Variants in GNB1 observed in about 807,000 individuals in gnomAD.
GNB1 encodes guanine nucleotide-binding protein G(I)/G(S)/G(T) subunit beta-1.
In GNB1, 2 loss-of-function variants were observed where a neutral mutation model predicts 42.9. That is an observed-to-expected ratio of 0.05 (90% CI 0.02 to 0.15). GNB1 has a LOEUF of 0.15. GNB1 is among the 10% of genes least tolerant of loss of function. The probability of loss-of-function intolerance (pLI) is 1.00; values close to 1 mark genes in which losing one functional copy is unlikely to be tolerated. For missense variants in GNB1, 193 were observed against 462.2 expected (o/e 0.42, Z 5.34); for synonymous variants, 183 against 174.7 (o/e 1.05, Z -0.38).
intron 6 of GNB1, among the ~76,000 whole-genome samples, chr1:1,805,178 G>A (rs1646680269): frequency 6.7e-6 from 1 of 149,760 alleles, no homozygotes; most frequent in Admixed American, 6.7e-5. Context: ...AAACAAACAG[G>A]CCGGGTGCGG....
chr1:1,831,035 C>G (rs551139554), intron 2 of GNB1, among the ~76,000 whole-genome samples: 1 of 152,090 alleles, frequency 6.6e-6, no homozygotes, highest in Non-Finnish European at 1.5e-5. Flanking sequence ...TGTGGTGATG[C>G]GTGCCTGTAA....
At chr1:1,807,060 T>C (rs183829793) in intron 5 of GNB1, among the ~76,000 whole-genome samples, 25 of 152,164 alleles carry the variant, frequency 1.6e-4, no homozygotes, top group African/African-American at 6.0e-4. Flanking sequence ...AGACCACAGT[T>C]GAGAGTGGAG....
rs115938369 is a variant in GNB1, at chr1:1,853,906, T to C, written c.-95-14668A>G. On this transcript the variant is annotated intron_variant, in intron 1 of 11. Coordinates refer to ENST00000378609, the MANE Select transcript of GNB1 (RefSeq NM_002074.5). ...GTCATATTATATAACAACATGAAAA[T>C]AGGATAGAAGTGTCAATTGTTGATA... 7.6e-3 allele frequency among the ~76,000 whole-genome samples: 1,149 copies of C among 152,014 alleles called. 14 individuals are homozygous for C. The highest frequency in any genetic ancestry group is 0.026 in the African/African-American group (1,061 of 41,434).
At chr1:1,845,370 G>A (rs1421533342) in intron 1 of GNB1, among the ~76,000 whole-genome samples, 1 of 152,082 alleles carries the variant, frequency 6.6e-6, no homozygotes, top group East Asian at 1.9e-4. Flanking sequence ...TCAGGAGATT[G>A]AGACCATCCT....
chr1:1,807,179 C>T (rs924866092), intron 5 of GNB1, among the ~76,000 whole-genome samples: 8 of 151,888 alleles, frequency 5.3e-5, no homozygotes, highest in African/African-American at 1.9e-4. Context: ...GGTTTCATTA[C>T]AAATCAAATT....
At chr1:1,854,247 C>G (rs1171378962) in intron 1 of GNB1, among the ~76,000 whole-genome samples, 1 of 152,182 alleles carries the variant, frequency 6.6e-6, no homozygotes, top group Non-Finnish European at 1.5e-5. Context: ...GAAGGCCACT[C>G]TGGTGTGGAG....
chr1:1,847,128 C>T (rs757403473), intron 1 of GNB1, among the ~76,000 whole-genome samples: 6 of 152,150 alleles, frequency 3.9e-5, no homozygotes, highest in African/African-American at 7.2e-5. Flanking sequence ...AAGTGAGCCC[C>T]AGCACTGAAG....
intron 2 of GNB1, among the ~76,000 whole-genome samples, chr1:1,830,658 TTA>T (rs1183546136): frequency 6.6e-6 from 1 of 152,126 alleles, no homozygotes; most frequent in Non-Finnish European, 1.5e-5. Context: ...TCCTTCTACC[TTA>T]GCCTCCAGAG....
At chr1:1,834,893 C>T (rs2101099693) in intron 2 of GNB1, among the ~76,000 whole-genome samples, 1 of 152,122 alleles carries the variant, frequency 6.6e-6, no homozygotes, top group Admixed American at 6.6e-5. Flanking sequence ...TGGTCTTGAT[C>T]TCCTGACTTC....
intron 1 of GNB1, chr1:1,890,377 C>A (rs1280747641): frequency 6.6e-6 from 1 of 150,498 alleles, no homozygotes; most frequent in African/African-American, 2.4e-5. Context: ...GATAGGCGGC[C>A]CGCGCGGGGG....
At chr1:1,799,343 G>T (rs1374818351) in intron 7 of GNB1, among the ~76,000 whole-genome samples, 1 of 152,112 alleles carries the variant, frequency 6.6e-6, no homozygotes, top group Non-Finnish European at 1.5e-5. Flanking sequence ...ACTAATACCA[G>T]TTTTTTTATT....
chr1:1,886,160 T>G (rs558188950), intron 1 of GNB1, among the ~76,000 whole-genome samples: 7 of 151,768 alleles, frequency 4.6e-5, no homozygotes, highest in African/African-American at 1.7e-4. Context: ...AAAATAAAAT[T>G]TTAAAAAATT....
chr1:1,806,616 G>A (rs1054064055), intron 5 of GNB1, 78 bp from the exon 6 acceptor site: 63 of 909,586 alleles, frequency 6.9e-5, no homozygotes, highest in Non-Finnish European at 1.1e-4. Context: ...CTAAAACCCA[G>A]ACTCTGGTGG....
chr1:1,834,799 G>C (rs1647123388), intron 2 of GNB1, among the ~76,000 whole-genome samples: 1 of 151,362 alleles, frequency 6.6e-6, no homozygotes, highest in Non-Finnish European at 1.5e-5. Context: ...CTCCCAAGTA[G>C]CCAGGACTAC....
chr1:1,832,586 G>C (rs1647091839), intron 2 of GNB1, among the ~76,000 whole-genome samples: 1 of 152,206 alleles, frequency 6.6e-6, no homozygotes, highest in Non-Finnish European at 1.5e-5. Context: ...GATTTTTAAA[G>C]TCAGAATATT....
chr1:1,876,045 A>ACTG (rs937118127), intron 1 of GNB1, among the ~76,000 whole-genome samples: 2 of 152,110 alleles, frequency 1.3e-5, no homozygotes, highest in Non-Finnish European at 2.9e-5. Context: ...TACAAGCCAC[A>ACTG]CTGCTGGCAC....
At chr1:1,830,312 G>A (rs1647058247) in intron 2 of GNB1, among the ~76,000 whole-genome samples, 1 of 151,068 alleles carries the variant, frequency 6.6e-6, no homozygotes, top group South Asian at 2.1e-4. Flanking sequence ...CCAGGCTGGA[G>A]TGCAGTGGCG....
intron 1 of GNB1, among the ~76,000 whole-genome samples, chr1:1,855,120 C>T (rs896206573): frequency 6.7e-6 from 1 of 150,370 alleles, no homozygotes; most frequent in African/African-American, 2.5e-5. Flanking sequence ...GATAGCTCCA[C>T]TGCACTCCAG....
At chr1:1,835,925 A>AAG (rs1647141947) in intron 2 of GNB1, among the ~76,000 whole-genome samples, 3 of 146,256 alleles carry the variant, frequency 2.1e-5, no homozygotes, top group Non-Finnish European at 4.5e-5. Flanking sequence ...AAAAAAAGAA[A>AAG]AAAAAAAAAA....
Sources: allele counts gnomAD v4.1 joint callset (sites outside exome capture counted in the v4.1 genomes callset), GRCh38; gene constraint gnomAD v4.1.1; transcripts MANE v1.5; gene names NCBI Gene and HGNC (gene_info 2026-07-23, HGNC 2026-07-21).